The following RGS22 variants were observed in gnomAD, a reference collection of about 807,000 sequenced individuals.
RGS22 encodes the protein regulator of G protein signaling 22.
A neutral mutation model predicts 172.9 loss-of-function variants in RGS22; 148 were observed. That is an observed-to-expected ratio of 0.86 (90% CI 0.75 to 0.98). The LOEUF (loss-of-function observed/expected upper bound fraction) is 0.98. Among genes scored for constraint, RGS22 ranks in the 50% least tolerant of loss-of-function variants. The pLI, the probability that RGS22 is intolerant of heterozygous loss-of-function variation, is 0.00. For missense variants in RGS22, 1,347 were observed against 1,440.8 expected (o/e 0.93, Z 1.05); for synonymous variants, 458 against 480.2 (o/e 0.95, Z 0.60).
intron 3 of RGS22, among the ~76,000 whole-genome samples, chr8:100,089,352 G>A (rs970681260): frequency 6.6e-6 from 1 of 152,104 alleles, no homozygotes; most frequent in Non-Finnish European, 1.5e-5. Flanking sequence ...CTTATGGTGA[G>A]TGAAAATCAA....
intron 14 of RGS22, among the ~76,000 whole-genome samples, chr8:100,010,808 C>CTT (rs758368137): frequency 4.4e-5 from 6 of 136,042 alleles, no homozygotes; most frequent in South Asian, 2.4e-4. Flanking sequence ...GAAGATAATT[C>CTT]TTTTTTTTTT....
chr8:100,102,239 C>T (rs1462039473), intron 2 of RGS22, among the ~76,000 whole-genome samples: 2 of 152,184 alleles, frequency 1.3e-5, no homozygotes, highest in African/African-American at 4.8e-5. Flanking sequence ...CATCAGCTCT[C>T]CAGAGAAGTA....
intron 14 of RGS22, among the ~76,000 whole-genome samples, chr8:100,018,599 T>C (rs1248170106): frequency 6.6e-6 from 1 of 152,180 alleles, no homozygotes; most frequent in Non-Finnish European, 1.5e-5. Flanking sequence ...CCTGTTTGCA[T>C]CTTCAAGGAA....
intron 14 of RGS22, among the ~76,000 whole-genome samples, chr8:100,025,426 T>C (rs995346694): frequency 1.3e-5 from 2 of 152,218 alleles, no homozygotes; most frequent in Non-Finnish European, 2.9e-5. Flanking sequence ...AGGTACCTGA[T>C]TTTCCACATT....
intron 4 of RGS22, among the ~76,000 whole-genome samples, chr8:100,074,223 T>C (rs564113041): frequency 6.6e-6 from 1 of 152,376 alleles, no homozygotes; most frequent in African/African-American, 2.4e-5. Context: ...TATTTAGATG[T>C]ACAAGGCAAA....
intron 14 of RGS22, among the ~76,000 whole-genome samples, chr8:100,011,832 T>C (rs964790789): frequency 6.6e-6 from 1 of 152,182 alleles, no homozygotes; most frequent in African/African-American, 2.4e-5. Flanking sequence ...AGACCTGTAC[T>C]AAATGAAATA....
intron 6 of RGS22, among the ~76,000 whole-genome samples, chr8:100,071,021 G>T (rs571937306): frequency 1.3e-5 from 2 of 152,168 alleles, no homozygotes; most frequent in African/African-American, 2.4e-5. Context: ...GGTAGCTTAC[G>T]CCTGTAATCC....
Position 99,976,265 on chromosome 8 carries a change from T to C in RGS22, c.3519+1652A>G, listed in dbSNP as rs559462050. ...TGGCAGACTGAACAGACTAATACAA[T>C]ATGATACCATTTATGTAAGTTAAAA... On this transcript the variant is annotated intron_variant, in intron 23 of 27. Transcript: ENST00000360863. 4.6e-5 allele frequency among the ~76,000 whole-genome samples: 7 copies of C among 152,278 alleles called. No homozygotes were observed. In the South Asian group the frequency reaches 1.5e-3, roughly 32 times the overall value.
chr8:100,105,501 G>C, intron 1 of RGS22, 99 bp from the exon 2 acceptor site: 1 of 968,958 alleles, frequency 1.0e-6, no homozygotes, highest in Admixed American at 1.9e-5. Flanking sequence ...GTTATACACA[G>C]GCAAACGTAG....
chr8:100,094,931 A>G (rs2132009730), intron 2 of RGS22, among the ~76,000 whole-genome samples: 1 of 152,372 alleles, frequency 6.6e-6, no homozygotes, highest in African/African-American at 2.4e-5. Flanking sequence ...AGATGTGAAC[A>G]GTGAATAGCT....
intron 14 of RGS22, among the ~76,000 whole-genome samples, chr8:100,011,207 G>C (rs1446635593): frequency 1.3e-5 from 2 of 152,176 alleles, no homozygotes; most frequent in Non-Finnish European, 2.9e-5. Flanking sequence ...CCTTTGTTAA[G>C]GAATTTGAAT....
Position 100,006,022 on chromosome 8 carries a change from C to G in RGS22, c.2449G>C (p.Ala817Pro), listed in dbSNP as rs145770179. The G allele has an allele frequency of 2.1e-5, 34 of 1,612,634 alleles. No homozygotes were observed. In the East Asian group the frequency reaches 6.9e-4, roughly 33 times the overall value. The change falls in exon 16 of 28, where the codon GCT (alanine) becomes CCT (proline). Residue 817 changes from alanine (A) to proline (P), a missense_variant. Ala to Pro is a conservative substitution (Grantham distance 27, BLOSUM62 -1). Coordinates refer to ENST00000360863, the MANE Select transcript of RGS22 (RefSeq NM_015668.5). Reference protein sequence around the residue: ...ALHKETFSKKAEDTTCEIGTG... With the variant: ...ALHKETFSKKPEDTTCEIGTG... The stretch of plus-strand genomic sequence containing the variant: ...TAAGTAGAAAGTTGCCTTACCTCAG[C>G]TTTCTTGGAAAATGTCTCTTTATGC...
chr8:100,105,394 T>C lies in RGS22; in HGVS notation c.34A>G (p.Thr12Ala), dbSNP rs1813850270. ...CTTACAAATTCTTCTTCTGTAATAG[T>C]TGGTGGCTCTGAAACAAGACAAAAT... ...PEKRLTAEPP[T>A]ITEEEFEDSL... Residue 12 changes from threonine to alanine, a missense_variant, in exon 2 of 28, where the codon ACT becomes GCT. Physicochemically the swap from Thr to Ala is moderately conservative, Grantham distance 58 (BLOSUM62 0). Transcript: ENST00000360863. 3 of 1,609,592 alleles carry C rather than the reference T, an allele frequency of 1.9e-6. No homozygotes were observed. Among genetic ancestry groups the C allele is most frequent in the African/African-American group, 1.3e-5 (1 of 74,902 alleles).
At chr8:100,073,094 T>G (rs552758538) in intron 4 of RGS22, among the ~76,000 whole-genome samples, 1 of 152,342 alleles carries the variant, frequency 6.6e-6, no homozygotes, top group South Asian at 2.1e-4. Flanking sequence ...GTATTCACTT[T>G]TTCTAGAATT....
intron 4 of RGS22, among the ~76,000 whole-genome samples, chr8:100,079,789 G>A (rs991463736): frequency 6.6e-6 from 1 of 152,086 alleles, no homozygotes; most frequent in Non-Finnish European, 1.5e-5. Flanking sequence ...CCAACTGCTT[G>A]ATAGGATTGG....
At chr8:99,969,499 C>T (rs1371176242) in intron 23 of RGS22, among the ~76,000 whole-genome samples, 1 of 151,600 alleles carries the variant, frequency 6.6e-6, no homozygotes, top group African/African-American at 2.4e-5. Flanking sequence ...AGACCCATCT[C>T]ATATGCATAG....
In RGS22 at chr8:100,105,360, G is replaced by C. The variant is rs768650040; in HGVS notation, c.54+14C>G. The stretch of plus-strand genomic sequence containing the variant: ...AGGCCAAAGAAAAAAATAGCCCCTT[G>C]AAATGATACTTACAAATTCTTCTTC... On this transcript the variant is annotated intron_variant, in intron 2 of 27. Transcript: ENST00000360863. 2.5e-6 allele frequency: 4 copies of C among 1,602,128 alleles called. No homozygotes were observed. The highest frequency in any genetic ancestry group is 3.4e-6 in the Non-Finnish European group (4 of 1,169,606).
At chr8:99,990,790 A>T (rs1418207904) in intron 20 of RGS22, among the ~76,000 whole-genome samples, 1 of 152,206 alleles carries the variant, frequency 6.6e-6, no homozygotes, top group African/African-American at 2.4e-5. Context: ...CTGAGAACGG[A>T]CAGACTGCCT....
intron 10 of RGS22, among the ~76,000 whole-genome samples, chr8:100,051,476 T>C (rs1309365104): frequency 1.0e-5 from 1 of 99,198 alleles, no homozygotes; most frequent in African/African-American, 4.0e-5. Context: ...ATATATATTA[T>C]ATATATTTAT....
Sources: allele counts gnomAD v4.1 joint callset (sites outside exome capture counted in the v4.1 genomes callset), GRCh38; gene constraint gnomAD v4.1.1; transcripts MANE v1.5; gene names NCBI Gene and HGNC (gene_info 2026-07-23, HGNC 2026-07-21).